Variants in IQCJ observed in about 807,000 individuals in gnomAD.
IQCJ encodes the protein IQ domain-containing protein J.
In IQCJ, 9 loss-of-function variants were observed where a neutral mutation model predicts 11.0. The observed-to-expected ratio is 0.82, with a 90% CI of 0.49 to 1.43. The LOEUF (loss-of-function observed/expected upper bound fraction) is 1.43, where lower values mean the gene tolerates loss of function less well. Ranked by LOEUF, IQCJ falls within the 40% of genes most tolerant of loss-of-function variation. IQCJ has a pLI of 0.00. For synonymous variants in IQCJ, 55 were observed against 51.3 expected (o/e 1.07, Z -0.31); for missense variants, 146 against 133.2 (o/e 1.10, Z -0.47).
At chr3:159,101,835 A>T (rs79781224) in intron 1 of IQCJ, among the ~76,000 whole-genome samples, 1,737 of 152,304 alleles carry the variant, frequency 0.011, 60 homozygotes, top group Admixed American at 0.06. Context: ...TGTCGGAAAG[A>T]CTAGACTCAT....
intron 1 of IQCJ, among the ~76,000 whole-genome samples, chr3:159,144,514 C>T (rs1720810924): frequency 6.6e-6 from 1 of 152,122 alleles, no homozygotes; most frequent in Non-Finnish European, 1.5e-5. Context: ...TGAGAATCAG[C>T]AATGTTAAGT....
chr3:159,143,938 G>A (rs1577037631), intron 1 of IQCJ, among the ~76,000 whole-genome samples: 1 of 152,298 alleles, frequency 6.6e-6, no homozygotes, highest in Non-Finnish European at 1.5e-5. Context: ...CATTTGGGAT[G>A]CTGTATCCTC....
rs768825134 is a variant in IQCJ, at chr3:159,231,906, G to C, written c.10-13937G>C. ...GTATCCATTTCTTCTAGATTTTCTA[G>C]TTTATTTGCATAGAGGTGTTTATAA... is the stretch of plus-strand genomic sequence containing the variant. On this transcript the variant is annotated intron_variant, in intron 1 of 3. Transcript: ENST00000397832. Among the ~76,000 whole-genome samples the C allele has an allele frequency of 3.5e-4, 54 of 152,202 alleles. 1 individual carries two copies. Among genetic ancestry groups the C allele is most frequent in the Middle Eastern group, 3.2e-3 (1 of 316 alleles).
intron 1 of IQCJ, among the ~76,000 whole-genome samples, chr3:159,075,336 C>G (rs1269186847): frequency 1.3e-5 from 2 of 151,896 alleles, no homozygotes; most frequent in Non-Finnish European, 2.9e-5. Flanking sequence ...CCATGGTGTA[C>G]AAAAAAAATT....
intron 1 of IQCJ, among the ~76,000 whole-genome samples, chr3:159,230,972 C>T (rs1203245923): frequency 1.3e-5 from 2 of 152,128 alleles, no homozygotes; most frequent in Non-Finnish European, 2.9e-5. Flanking sequence ...AAACTTTGTA[C>T]TACATTTTGA....
Position 159,163,674 on chromosome 3 carries a change from A to T in IQCJ, c.10-82169A>T, listed in dbSNP as rs534691872. Among the ~76,000 whole-genome samples, 2 of 152,220 alleles carry T rather than the reference A, an allele frequency of 1.3e-5. 1 individual carries two copies. The highest frequency in any genetic ancestry group is 4.8e-5 in the African/African-American group (2 of 41,544). On this transcript the variant is annotated intron_variant, in intron 1 of 3. Transcript: ENST00000397832. Reference sequence around the variant, plus strand: ...GCCACCATGCCCAGCCTCATTTTTCATGTATTATCTCACTTGATCCTTGTA... The same window carrying T: ...GCCACCATGCCCAGCCTCATTTTTCTTGTATTATCTCACTTGATCCTTGTA...
At chr3:159,257,671 A>G (rs551653955) in intron 3 of IQCJ, among the ~76,000 whole-genome samples, 80 of 152,352 alleles carry the variant, frequency 5.3e-4, no homozygotes, top group South Asian at 8.3e-4. Context: ...GTATCAGGAT[A>G]CAGGGTTGGG....
At position 159,262,752 on chromosome 3, in the gene IQCJ, A is replaced by C. The variant is rs1314459515; in HGVS notation, c.*21A>C. 6.2e-7 allele frequency: 1 copy of C among 1,605,986 alleles called. No homozygotes were observed. The highest frequency in any genetic ancestry group is 8.5e-7 in the Non-Finnish European group (1 of 1,173,982). On this transcript the variant is annotated 3_prime_UTR_variant, in exon 4 of 4. Coordinates refer to ENST00000397832, the MANE Select transcript of IQCJ (RefSeq NM_001042706.3). ...ACTGAAAGCCTAGACTTTGGTTCTAAGAGAGAAATCTTGGGATGTGAGCAG... is the reference window on the plus strand; with the variant it reads ...ACTGAAAGCCTAGACTTTGGTTCTACGAGAGAAATCTTGGGATGTGAGCAG...
At chr3:159,075,344 A>T (rs923665160) in intron 1 of IQCJ, among the ~76,000 whole-genome samples, 10 of 152,070 alleles carry the variant, frequency 6.6e-5, no homozygotes, top group Non-Finnish European at 1.5e-5. Flanking sequence ...TACAAAAAAA[A>T]TTTTTTTAAG....
At chr3:159,086,475 G>C (rs1292941474) in intron 1 of IQCJ, among the ~76,000 whole-genome samples, 4 of 152,166 alleles carry the variant, frequency 2.6e-5, no homozygotes, top group African/African-American at 9.7e-5. Flanking sequence ...TAGCTTGATG[G>C]GGATGGCATT....
chr3:159,150,950 TC>T (rs1721179934), intron 1 of IQCJ, among the ~76,000 whole-genome samples: 1 of 152,160 alleles, frequency 6.6e-6, no homozygotes, highest in African/African-American at 2.4e-5. Flanking sequence ...GCCCGTGCCA[TC>T]CCCTGGTCCT....
intron 1 of IQCJ, among the ~76,000 whole-genome samples, chr3:159,231,669 C>A (rs1032127112): frequency 9.2e-5 from 14 of 152,132 alleles, no homozygotes; most frequent in African/African-American, 3.4e-4. Context: ...AGGAGTCACT[C>A]TTTTCTATTT....
intron 2 of IQCJ, among the ~76,000 whole-genome samples, chr3:159,250,280 A>G (rs1322984899): frequency 6.6e-6 from 1 of 152,210 alleles, no homozygotes; most frequent in African/African-American, 2.4e-5. Context: ...TAATATTATG[A>G]AAGTTTTATT....
At chr3:159,162,488 T>C (rs1427442849) in intron 1 of IQCJ, among the ~76,000 whole-genome samples, 1 of 152,220 alleles carries the variant, frequency 6.6e-6, no homozygotes, top group Non-Finnish European at 1.5e-5. Context: ...GAGGGACAAT[T>C]TGACTTCCTC....
intron 2 of IQCJ, among the ~76,000 whole-genome samples, chr3:159,246,474 G>A (rs896595591): frequency 1.3e-5 from 2 of 152,106 alleles, no homozygotes; most frequent in African/African-American, 2.4e-5. Context: ...CAGGCTCAGC[G>A]AGGTTTCAGC....
intron 1 of IQCJ, among the ~76,000 whole-genome samples, chr3:159,076,263 C>T (rs998550954): frequency 6.6e-6 from 1 of 151,994 alleles, no homozygotes; most frequent in Non-Finnish European, 1.5e-5. Context: ...TTTAATTCTG[C>T]CTTCAATTTT....
At chr3:159,201,479 G>A (rs1724327731) in intron 1 of IQCJ, among the ~76,000 whole-genome samples, 1 of 151,166 alleles carries the variant, frequency 6.6e-6, no homozygotes, top group African/African-American at 2.4e-5. Flanking sequence ...ATGCATCTAT[G>A]TAAGCACCAA....
chr3:159,228,240 T>G lies in IQCJ; in HGVS notation c.10-17603T>G, dbSNP rs1725974174. On this transcript the variant is annotated intron_variant, in intron 1 of 3. Transcript: ENST00000397832. The stretch of plus-strand genomic sequence containing the variant: ...TAGTTTTAATAGCAGAAAGCTCAGC[T>G]GAGATTTAATTTCCTCTTTGGGATG... Among the ~76,000 whole-genome samples the G allele has an allele frequency of 2.0e-5, 3 of 152,250 alleles. No individual in the cohort carries two copies. The South Asian group carries it at 6.2e-4, about 32-fold the overall frequency.
At chr3:159,241,822 T>G (rs1726940118) in intron 1 of IQCJ, among the ~76,000 whole-genome samples, 1 of 152,172 alleles carries the variant, frequency 6.6e-6, no homozygotes, top group Non-Finnish European at 1.5e-5. Flanking sequence ...GTGCCTACAA[T>G]GTAGTGAGTG....
Sources: gnomAD v4.1 joint callset for allele counts (sites outside exome capture counted in the v4.1 genomes callset) on GRCh38, gnomAD v4.1.1 for gene constraint, MANE v1.5 for transcripts, NCBI Gene and HGNC (gene_info 2026-07-23, HGNC 2026-07-21) for gene names.